BPI: variants seen among roughly 807,000 people sequenced by gnomAD.
BPI encodes bactericidal permeability increasing protein.
BPI carries 48 observed loss-of-function variants against 57.6 expected under a neutral mutation model. The observed-to-expected ratio is 0.83, with a 90% confidence interval of 0.66 to 1.06. The LOEUF is 1.06. Among genes scored for constraint, BPI ranks in the 50% least tolerant of loss-of-function variants. BPI has a pLI of 0.00. For missense variants in BPI, 651 were observed against 609.7 expected (o/e 1.07, Z -0.71); for synonymous variants, 237 against 238.2 (o/e 0.99, Z 0.05).
At chr20:38,324,930 A>C (rs184835064) in intron 9 of BPI, 97 bp downstream of exon 9, 5 of 984,986 alleles carry the variant, frequency 5.1e-6, no homozygotes, top group Non-Finnish European at 8.1e-6. Flanking sequence ...CCAACATAAC[A>C]CACACAAGAT....
chr20:38,332,200 G>T (rs1244488419), intron 12 of BPI, among the ~76,000 whole-genome samples: 3 of 152,200 alleles, frequency 2.0e-5, no homozygotes, highest in Non-Finnish European at 4.4e-5. Context: ...GGAGATTGTT[G>T]TGTTGCACAG....
chr20:38,315,820 C>CT (rs1380484709), intron 5 of BPI, among the ~76,000 whole-genome samples: 7 of 135,160 alleles, frequency 5.2e-5, no homozygotes, highest in African/African-American at 1.9e-4. Context: ...TTCTTCCTTT[C>CT]TTTTCTTTTC....
At chr20:38,313,959 G>C in intron 5 of BPI, among the ~76,000 whole-genome samples, 1 of 151,778 alleles carries the variant, frequency 6.6e-6, no homozygotes, top group East Asian at 1.9e-4. Context: ...TGGTGAGGTT[G>C]ATGATGGTGA....
chr20:38,314,410 G>GGAC (rs1403322166), intron 5 of BPI, among the ~76,000 whole-genome samples: 1 of 120,114 alleles, frequency 8.3e-6, no homozygotes, highest in Admixed American at 8.5e-5. Flanking sequence ...GTGATGGTGG[G>GGAC]GATGATGATG....
intron 11 of BPI, 46 bp from the exon 12 acceptor site, chr20:38,331,002 T>A (rs759930877): frequency 2.5e-6 from 4 of 1,604,732 alleles, no homozygotes. Context: ...GTTCTCATGC[T>A]AGTCAGGCAA....
At chr20:38,318,564 T>C in intron 6 of BPI, 88 bp downstream of exon 6, 2 of 1,434,330 alleles carry the variant, frequency 1.4e-6, no homozygotes, top group East Asian at 2.3e-5. Context: ...GGCCGGCAAG[T>C]TTCCCAGACA....
chr20:38,337,281 A>C lies in BPI; in HGVS notation c.*97A>C. ...CCCAGGGAATCCTCTCCAGATCTTA[A>C]CCAAGAGCCCCTTGCAAACTTCTTC... On this transcript the variant is annotated 3_prime_UTR_variant, in exon 15 of 15. Coordinates refer to ENST00000642449, the MANE Select transcript of BPI (RefSeq NM_001725.3). 9.5e-7 allele frequency: 1 copy of C among 1,056,460 alleles called. No homozygotes were observed. The highest frequency in any genetic ancestry group is 1.4e-6 in the Non-Finnish European group (1 of 725,056). The allele number at this position is 1,056,460 out of a possible 1,614,324, so 65.4% of individuals were successfully genotyped here.
intron 5 of BPI, chr20:38,317,907 A>G (rs1468008854): frequency 3.0e-6 from 3 of 985,220 alleles, no homozygotes; most frequent in Non-Finnish European, 3.6e-6. Flanking sequence ...TGGAGTGGCA[A>G]AGGCAGGTAG....
intron 12 of BPI, 46 bp from the exon 13 acceptor site, chr20:38,334,384 T>A (rs753158306): frequency 5.1e-6 from 8 of 1,563,710 alleles, no homozygotes; most frequent in Non-Finnish European, 6.2e-6. Context: ...ACCCGCAAGG[T>A]TCTGGCGATG....
In BPI at chr20:38,309,012, G is replaced by A. The variant is rs542938869; in HGVS notation, c.328G>A (p.Ala110Thr). Residue 110 changes from alanine (A) to threonine (T), a missense_variant, in exon 3 of 15, where the codon GCC becomes ACC. Coordinates refer to ENST00000642449, the MANE Select transcript of BPI (RefSeq NM_001725.3). ...NVGLKFSISN[A>T]NIKISGKWKA... ...GGGCCTTAAGTTCTCCATCAGCAAC[G>A]CCAATATCAAGATCAGCGGGAAATG... The A allele has an allele frequency of 2.7e-5, 43 of 1,614,174 alleles. 1 individual carries two copies. In the South Asian group the frequency reaches 3.7e-4, roughly 14 times the overall value.
intron 3 of BPI, among the ~76,000 whole-genome samples, chr20:38,310,088 G>A (rs11698530): frequency 0.058 from 8,837 of 152,228 alleles, 368 homozygotes; most frequent in East Asian, 0.23. Context: ...GAATTAATGG[G>A]GGCATTAATG....
At chr20:38,313,415 G>C (rs1376017890) in intron 5 of BPI, among the ~76,000 whole-genome samples, 1 of 140,904 alleles carries the variant, frequency 7.1e-6, no homozygotes, top group African/African-American at 2.6e-5. Flanking sequence ...AAAAAAAAAG[G>C]GTAGGGGGGA....
intron 5 of BPI, among the ~76,000 whole-genome samples, chr20:38,312,696 G>C (rs982534271): frequency 6.6e-6 from 1 of 152,164 alleles, no homozygotes; most frequent in Non-Finnish European, 1.5e-5. Context: ...TAGGAGCAAG[G>C]AGACCACTGA....
At chr20:38,332,544 C>T (rs1600714382) in intron 12 of BPI, among the ~76,000 whole-genome samples, 1 of 152,172 alleles carries the variant, frequency 6.6e-6, no homozygotes, top group African/African-American at 2.4e-5. Context: ...TGGGGTATAA[C>T]ATGTGGTCAA....
rs576458248 is a variant in BPI at position 38,326,321 on chromosome 20, G to A, written c.1050G>A (p.Pro350=). Residue 350 remains proline, a synonymous_variant, in exon 10 of 15, where the codon CCG becomes CCA. Transcript: ENST00000642449. ...KIQIHVSAST[P]PHLSVQPTGL... is the part of the protein sequence containing the mutation. ...AGATCCATGTCTCAGCCTCCACCCCGCCACACCTGTCTGTGCAGCCCACCG... is the reference window on the plus strand; with the variant it reads ...AGATCCATGTCTCAGCCTCCACCCCACCACACCTGTCTGTGCAGCCCACCG... 4.2e-5 allele frequency: 68 copies of A among 1,613,916 alleles called. No individual in the cohort carries two copies. Among genetic ancestry groups the A allele is most frequent in the South Asian group, 2.6e-4 (24 of 91,046 alleles).
intron 10 of BPI, 37 bp from the exon 11 acceptor site, chr20:38,327,551 G>T (rs752039728): frequency 6.2e-7 from 1 of 1,610,348 alleles, no homozygotes; most frequent in East Asian, 2.2e-5. Flanking sequence ...CAGGTGCCTG[G>T]GTCAGGGCAC....
chr20:38,323,826 T>C (rs371279363), intron 7 of BPI, 44 bp from the exon 8 acceptor site: 559 of 1,588,132 alleles, frequency 3.5e-4, no homozygotes, highest in Non-Finnish European at 4.6e-4. Context: ...TGACTTATAA[T>C]TCCTGAAGAA....
rs371706866 is a variant in BPI, at chr20:38,318,392, T to C, written c.601-21T>C. 3.3e-5 allele frequency: 53 copies of C among 1,605,484 alleles called. 1 individual carries two copies. The East Asian group carries it at 1.2e-3, about 36-fold the overall frequency. Reference sequence around the variant, plus strand: ...TTCACTATGGGAAGACCTTACTGATTACTTGTTTGGTTCTCCCCAGGTCTG... The same window carrying C: ...TTCACTATGGGAAGACCTTACTGATCACTTGTTTGGTTCTCCCCAGGTCTG... On this transcript the variant is annotated intron_variant, in intron 5 of 14. Coordinates refer to ENST00000642449, the MANE Select transcript of BPI (RefSeq NM_001725.3).
chr20:38,311,712 G>T (rs2076622748), intron 4 of BPI, among the ~76,000 whole-genome samples, 162 bp from the exon 5 acceptor site: 1 of 152,122 alleles, frequency 6.6e-6, no homozygotes, highest in Non-Finnish European at 1.5e-5. Context: ...CACTAAATCG[G>T]GGAGAAGTGT....
Sources: gnomAD v4.1 joint callset for allele counts (sites outside exome capture counted in the v4.1 genomes callset) on GRCh38, gnomAD v4.1.1 for gene constraint, MANE v1.5 for transcripts, NCBI Gene and HGNC (gene_info 2026-07-23, HGNC 2026-07-21) for gene names.